Variants in SLC36A1 observed in about 807,000 individuals in gnomAD.
The protein encoded by SLC36A1 is solute carrier family 36 member 1.
Under a neutral mutation model 47.5 loss-of-function variants are expected in SLC36A1, and 30 were observed. The ratio of observed to expected loss-of-function variants is 0.63; its 90% CI spans 0.47 to 0.86. SLC36A1 has a LOEUF of 0.86. Among genes scored for constraint, SLC36A1 ranks in the 40% least tolerant of loss-of-function variants. The pLI is 0.00. For synonymous variants in SLC36A1, 255 were observed against 249.7 expected (o/e 1.02, Z -0.20); for missense variants, 517 against 606.0 (o/e 0.85, Z 1.54).
At chr5:151,538,239 G>C in the SLC36A1 span, among the ~76,000 whole-genome samples, 1 of 152,210 alleles carries the variant, frequency 6.6e-6, no homozygotes, top group African/African-American at 2.4e-5. Flanking sequence ...GAGAAGTTCT[G>C]TCATCCAAAA....
the SLC36A1 span, among the ~76,000 whole-genome samples, chr5:151,430,048 C>T: frequency 6.6e-6 from 1 of 152,094 alleles, no homozygotes; most frequent in East Asian, 1.9e-4. Flanking sequence ...TTACTGAGCT[C>T]CTTGTGCTCA....
chr5:151,544,617 C>G, the SLC36A1 span: 4 of 1,614,118 alleles, frequency 2.5e-6, no homozygotes, highest in Non-Finnish European at 3.4e-6. Context: ...GACTCTGAAA[C>G]AGTGGGTTGG....
upstream of SLC36A1, among the ~76,000 whole-genome samples, chr5:151,442,890 A>G (rs1752706121): frequency 6.6e-6 from 1 of 152,174 alleles, no homozygotes; most frequent in African/African-American, 2.4e-5. Flanking sequence ...AAATGAGAGC[A>G]TGCAATATTT....
the SLC36A1 span, among the ~76,000 whole-genome samples, chr5:151,497,657 T>C: frequency 2.0e-5 from 3 of 152,338 alleles, no homozygotes; most frequent in Admixed American, 1.3e-4. Flanking sequence ...TGGGTTTCTT[T>C]AGGACAGAGT....
chr5:151,529,092 T>C, the SLC36A1 span: 4 of 1,140,896 alleles, frequency 3.5e-6, no homozygotes, highest in Non-Finnish European at 5.3e-6. Context: ...AACTAATCCA[T>C]GCTCATAGAT....
chr5:151,402,312 CT>C, the SLC36A1 span, among the ~76,000 whole-genome samples: 9 of 152,034 alleles, frequency 5.9e-5, no homozygotes, highest in Admixed American at 6.6e-5. Flanking sequence ...TTGGTGTGTG[CT>C]GAACCAACCT....
chr5:151,510,270 T>G, the SLC36A1 span: 3 of 1,378,562 alleles, frequency 2.2e-6, no homozygotes, highest in Non-Finnish European at 3.0e-6. Context: ...AGCCGTTCAG[T>G]TACCATTTAT....
chr5:151,414,390 A>G, the SLC36A1 span, among the ~76,000 whole-genome samples: 1 of 147,062 alleles, frequency 6.8e-6, no homozygotes, highest in Non-Finnish European at 1.5e-5. Flanking sequence ...AAGCATATAG[A>G]GAGAAGTAAA....
At chr5:151,354,399 A>G in the SLC36A1 span, among the ~76,000 whole-genome samples, 1 of 152,192 alleles carries the variant, frequency 6.6e-6, no homozygotes, top group Non-Finnish European at 1.5e-5. Context: ...ATAAATATTG[A>G]CTTTGTCATT....
chr5:151,424,670 G>A, the SLC36A1 span, among the ~76,000 whole-genome samples: 4 of 151,864 alleles, frequency 2.6e-5, no homozygotes, highest in Non-Finnish European at 5.9e-5. Flanking sequence ...TAAATGAGAT[G>A]AGAATAATCA....
chr5:151,364,186 G>A, the SLC36A1 span, among the ~76,000 whole-genome samples: 9 of 152,100 alleles, frequency 5.9e-5, no homozygotes, highest in South Asian at 2.1e-4. Context: ...CCTAATATCT[G>A]TATATATTTT....
At chr5:151,513,686 C>T in the SLC36A1 span, among the ~76,000 whole-genome samples, 1,869 of 152,118 alleles carry the variant, frequency 0.012, 40 homozygotes, top group African/African-American at 0.043. Flanking sequence ...TACACCAATC[C>T]CCTATGATAC....
At chr5:151,519,284 C>T in the SLC36A1 span, among the ~76,000 whole-genome samples, 10 of 152,172 alleles carry the variant, frequency 6.6e-5, no homozygotes, top group African/African-American at 2.4e-4. Context: ...GTGGAAGTTG[C>T]AGTGAGCCAA....
At chr5:151,511,167 AAG>A in the SLC36A1 span, 1 of 152,318 alleles carries the variant, frequency 6.6e-6, no homozygotes, top group Non-Finnish European at 1.5e-5. Flanking sequence ...GCAATGGGGA[AAG>A]AGAGAAGTGA....
chr5:151,531,954 C>A, the SLC36A1 span: 2 of 1,614,180 alleles, frequency 1.2e-6, no homozygotes, highest in East Asian at 4.5e-5. The surrounding 1 kb of genome is among the most constrained non-coding windows in gnomAD (Gnocchi z 5.7). Context: ...GAGAGTAAAC[C>A]ACCTGGGCAT....
the SLC36A1 span, chr5:151,531,812 T>C: frequency 1.6e-5 from 25 of 1,612,470 alleles, no homozygotes; most frequent in African/African-American, 6.7e-5. The surrounding 1 kb of genome is among the most constrained non-coding windows in gnomAD (Gnocchi z 5.7). Context: ...GACAGCGGTA[T>C]TGGGGTGCCC....
chr5:151,488,211 G>T lies in SLC36A1; in HGVS notation c.1388G>T (p.Ser463Ile). The change falls in exon 11 of 11, where the codon AGC becomes ATC. Residue 463 changes from serine (S) to isoleucine (I), a missense_variant. Physicochemically the swap from Ser to Ile is moderately radical, Grantham distance 142. Coordinates refer to ENST00000243389, the MANE Select transcript of SLC36A1 (RefSeq NM_078483.4). ...GCTCTCTATGAGCTGATCCAGCCAA[G>T]CAATGCTCCCATCTTCATCAATTCC... ...YEALYELIQP[S>I]NAPIFINSTC... 6.2e-7 allele frequency: 1 copy of T among 1,614,168 alleles called. No individual in the cohort carries two copies. The highest frequency in any genetic ancestry group is 8.5e-7 in the Non-Finnish European group (1 of 1,180,018).
intron 10 of SLC36A1, among the ~76,000 whole-genome samples, chr5:151,482,920 C>G (rs1037993935): frequency 6.6e-6 from 1 of 152,072 alleles, no homozygotes; most frequent in African/African-American, 2.4e-5. Flanking sequence ...GCCTGTAGTC[C>G]CAGCTACTTG....
chr5:151,374,090 G>A, the SLC36A1 span, among the ~76,000 whole-genome samples: 26 of 152,286 alleles, frequency 1.7e-4, no homozygotes, highest in African/African-American at 4.8e-4. Flanking sequence ...AGCAGCGTGC[G>A]TCAGCAAGAT....
Sources: allele counts gnomAD v4.1 joint callset (sites outside exome capture counted in the v4.1 genomes callset), GRCh38; gene constraint gnomAD v4.1.1; non-coding constraint Gnocchi (gnomAD v3.1); transcripts MANE v1.5; gene names NCBI Gene and HGNC (gene_info 2026-07-23, HGNC 2026-07-21).